Variants in SAMD5 observed in about 807,000 individuals in gnomAD.
SAMD5 encodes the protein sterile alpha motif domain-containing protein 5.
In SAMD5, 13 loss-of-function variants were observed where a neutral mutation model predicts 11.3. The observed-to-expected ratio is 1.15, with a 90% confidence interval of 0.75 to 1.83. SAMD5 has a LOEUF of 1.83. Among genes scored for constraint, SAMD5 ranks in the 40% most tolerant of loss-of-function variants. The pLI, the probability that SAMD5 is intolerant of heterozygous loss-of-function variation, is 0.00. For missense variants in SAMD5, 255 were observed against 239.1 expected (o/e 1.07, Z -0.44); for synonymous variants, 129 against 111.3 (o/e 1.16, Z -1.00).
At chr6:147,639,586 T>C (rs1459598471) in intron 1 of SAMD5, among the ~76,000 whole-genome samples, 1 of 152,100 alleles carries the variant, frequency 6.6e-6, no homozygotes, top group African/African-American at 2.4e-5. Context: ...CCAGCAACAT[T>C]CTCCTCTTTT....
At chr6:147,886,973 A>C in the SAMD5 span, among the ~76,000 whole-genome samples, 1 of 152,200 alleles carries the variant, frequency 6.6e-6, no homozygotes, top group Non-Finnish European at 1.5e-5. Context: ...CCTAGCTGAC[A>C]TCTTGATTGC....
At chr6:147,715,670 C>T (rs1259646223) in intron 1 of SAMD5, among the ~76,000 whole-genome samples, 1 of 152,180 alleles carries the variant, frequency 6.6e-6, no homozygotes, top group Non-Finnish European at 1.5e-5. Context: ...AGTTCTCGTC[C>T]TGCGTCCAGG....
At position 147,508,802 on chromosome 6, in the gene SAMD5, A is replaced by G; in HGVS notation, c.-127A>G. 2.9e-6 allele frequency: 4 copies of G among 1,396,674 alleles called. No homozygotes were observed. The highest frequency in any genetic ancestry group is 3.8e-6 in the Non-Finnish European group (4 of 1,061,608). The allele number at this position is 1,396,674 out of a possible 1,614,324, so 86.5% of individuals were successfully genotyped here. A position where few individuals can be genotyped will look rare whatever the true frequency, so the allele number is the denominator to read the frequency against. On this transcript the variant is annotated 5_prime_UTR_variant, in exon 1 of 2. An upstream open reading frame in the 5' UTR loses its in-frame stop. Coordinates refer to ENST00000367474, the MANE Select transcript of SAMD5 (RefSeq NM_001030060.3). ...CGTCTCCTGCCCGAGCCTTTCCTTT[A>G]AAAGGAAAACTTTACTGCGATACCC...
the SAMD5 span, among the ~76,000 whole-genome samples, chr6:147,865,428 G>T: frequency 4.3e-4 from 65 of 152,098 alleles, no homozygotes; most frequent in Non-Finnish European, 8.4e-4. Context: ...AATTGGCCCC[G>T]GATCAGGCCA....
chr6:147,724,843 T>C (rs1791603420), intron 1 of SAMD5, among the ~76,000 whole-genome samples: 1 of 152,152 alleles, frequency 6.6e-6, no homozygotes, highest in African/African-American at 2.4e-5. Context: ...ATAAATGTCA[T>C]ACCCAAACCT....
intron 1 of SAMD5, among the ~76,000 whole-genome samples, chr6:147,678,502 T>C (rs536207858): frequency 1.2e-4 from 18 of 152,324 alleles, no homozygotes; most frequent in Admixed American, 9.2e-4. Context: ...GTAACATAAG[T>C]AATAAATCAG....
At chr6:147,840,884 G>A in the SAMD5 span, among the ~76,000 whole-genome samples, 5 of 152,332 alleles carry the variant, frequency 3.3e-5, no homozygotes, top group East Asian at 9.6e-4. Context: ...ATGGTAAAAT[G>A]CATGCTCCAT....
intron 1 of SAMD5, among the ~76,000 whole-genome samples, chr6:147,528,798 A>AT (rs1202063210): frequency 2.0e-5 from 3 of 152,202 alleles, no homozygotes; most frequent in Non-Finnish European, 4.4e-5. Context: ...AGCAGTCACT[A>AT]TTGCAATAAC....
Position 147,569,644 on chromosome 6 carries a change from T to C in SAMD5, c.*5188T>C, listed in dbSNP as rs955883400. On this transcript the variant is annotated 3_prime_UTR_variant, in exon 2 of 2. Coordinates refer to ENST00000367474, the MANE Select transcript of SAMD5 (RefSeq NM_001030060.3). ...GGGACAAACGTTAGAAATTGTATTG[T>C]TCATTGCACTTGTTGCCCTGTTCCC... is the stretch of plus-strand genomic sequence containing the variant. 1.0e-6 allele frequency: 1 copy of C among 984,200 alleles called. No individual in the cohort carries two copies. The highest frequency in any genetic ancestry group is 1.2e-6 in the Non-Finnish European group (1 of 829,908). The allele number at this position is 984,200 out of a possible 1,614,324, so 61.0% of individuals were successfully genotyped here.
At chr6:147,798,912 A>G in the SAMD5 span, among the ~76,000 whole-genome samples, 1 of 151,290 alleles carries the variant, frequency 6.6e-6, no homozygotes, top group Non-Finnish European at 1.5e-5. Flanking sequence ...TTTGTTTTCC[A>G]TTTGCTTGGT....
intron 1 of SAMD5, among the ~76,000 whole-genome samples, chr6:147,653,154 T>C (rs999009051): frequency 6.6e-6 from 1 of 152,192 alleles, no homozygotes; most frequent in Non-Finnish European, 1.5e-5. Context: ...ACATTTAAAA[T>C]CCACGTATTT....
Position 147,709,287 on chromosome 6 carries a change from T to C in SAMD5, c.163-28030T>C, listed in dbSNP as rs541693160. ...CAGGATTGGCAAATCTCTTAAGATA[T>C]TAGGATTCTCTAACTACTCTGCCCT... On this transcript the variant is annotated intron_variant, in intron 1 of 1. Coordinates refer to the SAMD5 transcript ENST00000566741. Among the ~76,000 whole-genome samples, 102 of 152,352 alleles carry C rather than the reference T, an allele frequency of 6.7e-4. 1 individual carries two copies. In the South Asian group the frequency reaches 0.019, roughly 28 times the overall value.
chr6:147,724,662 G>C (rs144908528), intron 1 of SAMD5, among the ~76,000 whole-genome samples: 4 of 152,090 alleles, frequency 2.6e-5, no homozygotes, highest in African/African-American at 7.2e-5. Context: ...GGCTGCTCAC[G>C]GGGCTTTGCA....
the SAMD5 span, among the ~76,000 whole-genome samples, chr6:147,871,247 T>G: frequency 6.6e-6 from 1 of 152,130 alleles, no homozygotes; most frequent in Non-Finnish European, 1.5e-5. Flanking sequence ...TTCAACAGAG[T>G]GAAAAGCATA....
At chr6:147,701,868 G>A (rs545463973) in intron 1 of SAMD5, among the ~76,000 whole-genome samples, 3 of 152,158 alleles carry the variant, frequency 2.0e-5, no homozygotes, top group South Asian at 4.2e-4. Flanking sequence ...AAAGATAACT[G>A]GGGAGAAAAT....
Position 147,565,734 on chromosome 6 carries a change from A to G in SAMD5, c.*1278A>G. 1.0e-6 allele frequency: 1 copy of G among 981,674 alleles called. No individual in the cohort carries two copies. Among genetic ancestry groups the G allele is most frequent in the Non-Finnish European group, 1.2e-6 (1 of 826,652 alleles). 60.8% of individuals were successfully genotyped at this position (981,674 alleles called of 1,614,324 possible). A position where few individuals can be genotyped will look rare whatever the true frequency, so the allele number is the denominator to read the frequency against. On this transcript the variant is annotated 3_prime_UTR_variant, in exon 2 of 2. Coordinates refer to ENST00000367474, the MANE Select transcript of SAMD5 (RefSeq NM_001030060.3). ...CGTGGCCTCCAGTAGCGCTGGGATT[A>G]CAGGCGTGAGCCATCACACCCGGCC... is the stretch of plus-strand genomic sequence containing the variant.
intron 1 of SAMD5, among the ~76,000 whole-genome samples, chr6:147,696,591 C>T (rs2128457453): frequency 6.6e-6 from 1 of 152,234 alleles, no homozygotes; most frequent in South Asian, 2.1e-4. Flanking sequence ...CTGTGGATTC[C>T]CAGCATTTGA....
At chr6:147,690,925 C>T (rs373367042) in intron 1 of SAMD5, among the ~76,000 whole-genome samples, 14 of 142,716 alleles carry the variant, frequency 9.8e-5, no homozygotes, top group Non-Finnish European at 2.1e-4. Context: ...TCTTTTAGCA[C>T]GGAATCTCCA....
chr6:147,848,219 C>A, the SAMD5 span, among the ~76,000 whole-genome samples: 5 of 152,094 alleles, frequency 3.3e-5, no homozygotes, highest in Non-Finnish European at 7.4e-5. Flanking sequence ...CTCGACAAAT[C>A]GCTGTACATT....
Sources: gnomAD v4.1 joint callset for allele counts (sites outside exome capture counted in the v4.1 genomes callset) on GRCh38, gnomAD v4.1.1 for gene constraint, MANE v1.5 for transcripts, NCBI Gene and HGNC (gene_info 2026-07-23, HGNC 2026-07-21) for gene names.